PIGB: variants seen among roughly 807,000 people sequenced by gnomAD.
PIGB encodes GPI alpha-1,2-mannosyltransferase 3.
A neutral mutation model predicts 68.4 loss-of-function variants in PIGB; 58 were observed. The ratio of observed to expected loss-of-function variants is 0.85; its 90% CI spans 0.69 to 1.06. The LOEUF (loss-of-function observed/expected upper bound fraction) is 1.06. Ranked by LOEUF, PIGB falls within the 50% of genes least tolerant of loss-of-function variation. The pLI is 0.00. For synonymous variants in PIGB, 219 were observed against 220.5 expected (o/e 0.99, Z 0.06); for missense variants, 634 against 655.8 (o/e 0.97, Z 0.36).
chr15:55,347,604 T>C (rs977879171), intron 9 of PIGB, among the ~76,000 whole-genome samples: 1 of 152,222 alleles, frequency 6.6e-6, no homozygotes, highest in African/African-American at 2.4e-5. Context: ...GAAGACAATT[T>C]TGAATGGCAA....
At chr15:55,349,727 C>T (rs1245204101) in intron 9 of PIGB, 1 of 152,132 alleles carries the variant, frequency 6.6e-6, no homozygotes, top group African/African-American at 2.4e-5. Flanking sequence ...GCCTTGGTCC[C>T]ATTCAGTATT....
Position 55,321,253 on chromosome 15 carries a change from T to G in PIGB, c.300-20T>G. 6.4e-7 allele frequency: 1 copy of G among 1,558,158 alleles called. No individual in the cohort carries two copies. Among genetic ancestry groups the G allele is most frequent in the Non-Finnish European group, 8.7e-7 (1 of 1,155,978 alleles). On this transcript the variant is annotated intron_variant, in intron 2 of 11. Coordinates refer to ENST00000164305, the MANE Select transcript of PIGB (RefSeq NM_004855.5). Reference sequence around the variant, plus strand: ...AATAGGTTTCAATATTATTGGACATTTACTCCTTAATGTTACTAATTATGG... The same window carrying G: ...AATAGGTTTCAATATTATTGGACATGTACTCCTTAATGTTACTAATTATGG...
At position 55,341,800 on chromosome 15, in the gene PIGB, G is replaced by T; in HGVS notation, c.1121G>T (p.Cys374Phe). 7.1e-7 allele frequency: 1 copy of T among 1,411,522 alleles called. No individual in the cohort carries two copies. Among genetic ancestry groups the T allele is most frequent in the South Asian group, 1.6e-5 (1 of 62,528 alleles). The allele number at this position is 1,411,522 out of a possible 1,614,324, so 87.4% of individuals were successfully genotyped here. The part of the protein sequence containing the change: ...YPVLPFCMVF[C>F]GYSLTHLKTW... ...GTTTTACCATTCTGTATGGTGTTCTGTGGTAAGTGCTTTTGTTTGTTATAG... is the reference window on the plus strand; with the variant it reads ...GTTTTACCATTCTGTATGGTGTTCTTTGGTAAGTGCTTTTGTTTGTTATAG... Residue 374 changes from cysteine (C) to phenylalanine (F), a missense_variant and splice_region_variant, in exon 9 of 12, where the codon TGT (cysteine) becomes TTT (phenylalanine). Coordinates refer to ENST00000164305, the MANE Select transcript of PIGB (RefSeq NM_004855.5).
chr15:55,352,476 C>A (rs2055946419), intron 10 of PIGB, among the ~76,000 whole-genome samples: 2 of 152,128 alleles, frequency 1.3e-5, no homozygotes, highest in Admixed American at 1.3e-4. Context: ...GGCAAAGGAG[C>A]CAGATTTCCT....
chr15:55,324,116 C>G (rs2055226708), intron 3 of PIGB, among the ~76,000 whole-genome samples: 1 of 152,162 alleles, frequency 6.6e-6, no homozygotes, highest in African/African-American at 2.4e-5. Flanking sequence ...AATGATCTGC[C>G]TGCCTCTACC....
rs2055475159 is a variant in PIGB at position 55,333,781 on chromosome 15, A to C, written c.654-86A>C. The C allele has an allele frequency of 4.0e-6, 4 of 1,006,314 alleles. No homozygotes were observed. In the South Asian group the frequency reaches 8.8e-5, roughly 22 times the overall value. The allele number at this position is 1,006,314 out of a possible 1,614,324, so 62.3% of individuals were successfully genotyped here. A position where few individuals can be genotyped will look rare whatever the true frequency, so the allele number is the denominator to read the frequency against. On this transcript the variant is annotated intron_variant, in intron 5 of 11. Coordinates refer to ENST00000164305, the MANE Select transcript of PIGB (RefSeq NM_004855.5). Reference sequence around the variant, plus strand: ...AAAGTTCATATAGCTATTTATACCAAAAGGAAAATGTCAAATCACAGTGTA... The same window carrying C: ...AAAGTTCATATAGCTATTTATACCACAAGGAAAATGTCAAATCACAGTGTA...
rs557510557 is a variant in PIGB at position 55,340,597 on chromosome 15, C to G, written c.847-15C>G. 1 of 1,574,642 alleles carries G rather than the reference C, an allele frequency of 6.4e-7. No individual in the cohort carries two copies. The highest frequency in any genetic ancestry group is 1.1e-5 in the South Asian group (1 of 87,538). On this transcript the variant is annotated splice_polypyrimidine_tract_variant and intron_variant, in intron 7 of 11. Coordinates refer to ENST00000164305, the MANE Select transcript of PIGB (RefSeq NM_004855.5). ...ACTAACACATTTCTATTTATTTTTC[C>G]TTCAACGGTGCCAGTGGACTCTGGT...
intron 2 of PIGB, among the ~76,000 whole-genome samples, chr15:55,320,711 G>A (rs903723858): frequency 6.6e-6 from 1 of 152,136 alleles, no homozygotes; most frequent in Non-Finnish European, 1.5e-5. Context: ...GAACTTTTAT[G>A]TGGTCTCTCT....
chr15:55,347,034 T>C (rs563790918), intron 9 of PIGB, among the ~76,000 whole-genome samples: 10 of 152,350 alleles, frequency 6.6e-5, no homozygotes, highest in Middle Eastern at 3.4e-3. Flanking sequence ...AGTTGGGTTC[T>C]TTTCTAACAT....
intron 3 of PIGB, among the ~76,000 whole-genome samples, chr15:55,323,940 T>G (rs1187096725): frequency 6.6e-6 from 1 of 152,184 alleles, no homozygotes; most frequent in Non-Finnish European, 1.5e-5. Context: ...CAGGCTGGAG[T>G]GCAGTGGCAC....
intron 6 of PIGB, among the ~76,000 whole-genome samples, chr15:55,334,223 C>G (rs1393708348): frequency 6.6e-6 from 1 of 152,166 alleles, no homozygotes; most frequent in Non-Finnish European, 1.5e-5. Context: ...GTAATTATTT[C>G]TAACTTAGTG....
chr15:55,327,667 C>T (rs1440455305), intron 4 of PIGB, 32 bp downstream of exon 4: 4 of 1,291,064 alleles, frequency 3.1e-6, no homozygotes, highest in Non-Finnish European at 4.5e-6. Flanking sequence ...AGCTGTATGC[C>T]AGTTATTTCG....
intron 6 of PIGB, 144 bp downstream of exon 6, chr15:55,334,151 CTT>C: frequency 6.1e-6 from 3 of 493,108 alleles, no homozygotes; most frequent in Non-Finnish European, 9.9e-6. Flanking sequence ...TAATGCAAAA[CTT>C]ATATTTTTTA....
At chr15:55,352,271 T>G (rs563589280) in intron 10 of PIGB, among the ~76,000 whole-genome samples, 16 of 152,214 alleles carry the variant, frequency 1.1e-4, no homozygotes, top group African/African-American at 3.9e-4. Flanking sequence ...TTTAATCTCT[T>G]TGGACATCAG....
At chr15:55,340,941 T>G in intron 8 of PIGB, 118 bp downstream of exon 8, 3 of 647,154 alleles carry the variant, frequency 4.6e-6, no homozygotes, top group Non-Finnish European at 7.9e-6. Flanking sequence ...TTAGTGGGAA[T>G]TATCTTAGAA....
intron 8 of PIGB, among the ~76,000 whole-genome samples, chr15:55,341,276 G>A (rs909246920): frequency 5.3e-5 from 8 of 152,070 alleles, no homozygotes; most frequent in Non-Finnish European, 1.2e-4. Flanking sequence ...CAGAAGGACT[G>A]CTTGAGCCCA....
chr15:55,347,983 CT>C (rs576991463), intron 9 of PIGB, among the ~76,000 whole-genome samples: 404 of 93,984 alleles, frequency 4.3e-3, no homozygotes, highest in South Asian at 6.9e-3. Context: ...GCCATAGTTT[CT>C]TTTTTTTTTT....
At chr15:55,333,560 A>G (rs1488378666) in intron 5 of PIGB, among the ~76,000 whole-genome samples, 4 of 152,132 alleles carry the variant, frequency 2.6e-5, no homozygotes, top group African/African-American at 9.7e-5. Context: ...GTGAAACCCC[A>G]TCTCTACTGA....
intron 9 of PIGB, among the ~76,000 whole-genome samples, chr15:55,342,294 C>T (rs948265709): frequency 1.3e-5 from 2 of 152,170 alleles, no homozygotes; most frequent in African/African-American, 4.8e-5. Context: ...TTCATTTTCA[C>T]AAAGGAAAAA....
Sources: gnomAD v4.1 joint callset for allele counts (sites outside exome capture counted in the v4.1 genomes callset) on GRCh38, gnomAD v4.1.1 for gene constraint, MANE v1.5 for transcripts, NCBI Gene and HGNC (gene_info 2026-07-23, HGNC 2026-07-21) for gene names.